Variants in HDHD2 observed in about 807,000 individuals in gnomAD.
The protein encoded by HDHD2 is haloacid dehalogenase like hydrolase domain containing 2, also known as haloacid dehalogenase-like hydrolase domain-containing protein 2.
HDHD2 carries 26 observed loss-of-function variants against 24.8 expected under a neutral mutation model. That is an observed-to-expected ratio of 1.05 (90% CI 0.77 to 1.45). The LOEUF is 1.45. HDHD2 is among the 40% of genes most tolerant of loss of function. The probability of loss-of-function intolerance (pLI) is 0.00; values close to 1 mark genes in which losing one functional copy is unlikely to be tolerated. For missense variants in HDHD2, 299 were observed against 313.4 expected (o/e 0.95, Z 0.35); for synonymous variants, 128 against 114.9 (o/e 1.11, Z -0.73).
chr18:47,110,672 A>G (rs2063508795), intron 6 of HDHD2: 1 of 985,208 alleles, frequency 1.0e-6, no homozygotes, highest in Non-Finnish European at 1.2e-6. Flanking sequence ...TCGTTGAGTG[A>G]ATGGAGCTGC....
At chr18:47,134,767 C>T in intron 2 of HDHD2, 63 bp from the exon 3 acceptor site, 1 of 1,345,172 alleles carries the variant, frequency 7.4e-7, no homozygotes, top group South Asian at 1.3e-5. Context: ...ATAAAATCTC[C>T]TAATTTGTTA....
At chr18:47,137,522 A>C (rs2063777260) in intron 1 of HDHD2, among the ~76,000 whole-genome samples, 1 of 152,126 alleles carries the variant, frequency 6.6e-6, no homozygotes, top group East Asian at 1.9e-4. Context: ...GTATGTTCTG[A>C]TTGACATCAA....
intron 1 of HDHD2, chr18:47,149,091 G>C (rs2576056): frequency 0.42 from 64,253 of 151,972 alleles, 14,003 homozygotes; most frequent in Middle Eastern, 0.56. Flanking sequence ...AGAAAGGTTG[G>C]GTTATGTATG....
intron 1 of HDHD2, among the ~76,000 whole-genome samples, chr18:47,138,732 ATC>A (rs2063791582): frequency 6.6e-6 from 1 of 152,230 alleles, no homozygotes; most frequent in African/African-American, 2.4e-5. Flanking sequence ...AGTAAACAGA[ATC>A]TCTCTGACTT....
At chr18:47,122,837 T>G (rs2063619947) in intron 4 of HDHD2, among the ~76,000 whole-genome samples, 1 of 151,978 alleles carries the variant, frequency 6.6e-6, no homozygotes, top group African/African-American at 2.4e-5. Context: ...AAAATTAAAA[T>G]AGAAGATCTA....
intron 1 of HDHD2, chr18:47,137,395 C>T: frequency 6.8e-6 from 2 of 294,102 alleles, no homozygotes; most frequent in Non-Finnish European, 1.3e-5. Context: ...TCCACCACAT[C>T]CTGATGACTA....
At chr18:47,142,185 T>C (rs571589982) in intron 1 of HDHD2, among the ~76,000 whole-genome samples, 20 of 152,148 alleles carry the variant, frequency 1.3e-4, no homozygotes, top group South Asian at 8.3e-4. Flanking sequence ...TTTTAGATGA[T>C]TGGGAAAGAA....
At chr18:47,111,892 T>C (rs920040194) in intron 6 of HDHD2, 7 of 682,552 alleles carry the variant, frequency 1.0e-5, no homozygotes, top group African/African-American at 1.9e-5. Context: ...TTTGACTTTA[T>C]GTTTAAATAT....
At chr18:47,126,206 T>C (rs1285785376) in intron 4 of HDHD2, among the ~76,000 whole-genome samples, 7 of 152,236 alleles carry the variant, frequency 4.6e-5, no homozygotes, top group Admixed American at 6.5e-5. Flanking sequence ...CCCATAGATA[T>C]ATTTCTAATT....
At chr18:47,149,709 G>A (rs1377459005) in intron 1 of HDHD2, among the ~76,000 whole-genome samples, 2 of 151,936 alleles carry the variant, frequency 1.3e-5, no homozygotes, top group African/African-American at 4.8e-5. Context: ...TTCCTCTGGC[G>A]TGCCTCCTCT....
intron 2 of HDHD2, 104 bp downstream of exon 2, chr18:47,136,235 G>C: frequency 7.1e-7 from 1 of 1,401,520 alleles, no homozygotes; most frequent in Non-Finnish European, 9.7e-7. Context: ...ATATGGTTAA[G>C]ATGGTAAAAT....
chr18:47,129,118 A>C (rs1218656923), intron 4 of HDHD2, among the ~76,000 whole-genome samples: 2 of 152,178 alleles, frequency 1.3e-5, no homozygotes, highest in Non-Finnish European at 2.9e-5. Flanking sequence ...ACATACATCC[A>C]AAGGTAAATT....
intron 4 of HDHD2, among the ~76,000 whole-genome samples, chr18:47,125,182 A>G (rs2063646465): frequency 6.6e-6 from 1 of 152,118 alleles, no homozygotes; most frequent in South Asian, 2.1e-4. Context: ...AACAACAAAA[A>G]AAAACCAAAT....
intron 2 of HDHD2, 86 bp downstream of exon 2, chr18:47,136,253 T>G (rs551632455): frequency 5.8e-6 from 9 of 1,553,958 alleles, no homozygotes; most frequent in Middle Eastern, 3.5e-4. Context: ...AATGCCATCT[T>G]AAGGCCATCC....
chr18:47,146,113 C>A (rs2063867201), intron 1 of HDHD2, among the ~76,000 whole-genome samples: 1 of 151,616 alleles, frequency 6.6e-6, no homozygotes, highest in Admixed American at 6.6e-5. Flanking sequence ...CCTGTAATCC[C>A]AGCTACTCGG....
intron 3 of HDHD2, among the ~76,000 whole-genome samples, chr18:47,133,395 T>C (rs199828067): frequency 2.0e-5 from 3 of 151,744 alleles, no homozygotes; most frequent in Non-Finnish European, 2.9e-5. Flanking sequence ...CAGTCTATCA[T>C]TGATGGACAT....
At chr18:47,111,825 T>C (rs1405606689) in intron 6 of HDHD2, 2 of 984,750 alleles carry the variant, frequency 2.0e-6, no homozygotes, top group Non-Finnish European at 2.4e-6. Flanking sequence ...CAACCACATT[T>C]TCTTGAACAA....
At chr18:47,146,621 T>TAC in intron 1 of HDHD2, among the ~76,000 whole-genome samples, 1 of 152,050 alleles carries the variant, frequency 6.6e-6, no homozygotes, top group African/African-American at 2.4e-5. Context: ...AATGGATAAA[T>TAC]AAGTTGTGGT....
intron 2 of HDHD2, among the ~76,000 whole-genome samples, chr18:47,135,334 G>A (rs959013669): frequency 1.4e-5 from 2 of 146,994 alleles, no homozygotes; most frequent in Non-Finnish European, 3.0e-5. Context: ...CGATCTCAGC[G>A]CACCGCAACC....
Sources: allele counts gnomAD v4.1 joint callset (sites outside exome capture counted in the v4.1 genomes callset), GRCh38; gene constraint gnomAD v4.1.1; transcripts MANE v1.5; gene names NCBI Gene and HGNC (gene_info 2026-07-23, HGNC 2026-07-21).